SEPTIN7: variants seen among roughly 807,000 people sequenced by gnomAD.
The protein encoded by SEPTIN7 is septin-7.
A neutral mutation model predicts 63.3 loss-of-function variants in SEPTIN7; 10 were observed. The ratio of observed to expected loss-of-function variants is 0.16; its 90% confidence interval spans 0.10 to 0.27. SEPTIN7 has a LOEUF of 0.27. SEPTIN7 is among the 10% of genes least tolerant of loss of function. The pLI, the probability that SEPTIN7 is intolerant of heterozygous loss-of-function variation, is 1.00. For synonymous variants in SEPTIN7, 131 were observed against 165.3 expected, an observed-to-expected ratio of 0.79 and a Z score of 1.59; for missense variants, 310 against 521.0, an observed-to-expected ratio of 0.59 and a Z score of 3.94.
At chr7:35,831,518 T>C (rs1412270997) in intron 2 of SEPTIN7, 22 bp downstream of exon 2, 2 of 445,592 alleles carry the variant, frequency 4.5e-6, no homozygotes, top group South Asian at 3.3e-5. Flanking sequence ...ACATAATTTA[T>C]AGAGTTTTTT....
intron 1 of SEPTIN7, among the ~76,000 whole-genome samples, chr7:35,824,159 T>C (rs1245250635): frequency 6.6e-6 from 1 of 152,152 alleles, no homozygotes; most frequent in African/African-American, 2.4e-5. Flanking sequence ...CCAGTCTGCC[T>C]TCTTCCCCTA....
intron 1 of SEPTIN7, among the ~76,000 whole-genome samples, chr7:35,821,750 C>G (rs770960296): frequency 5.3e-5 from 8 of 152,064 alleles, no homozygotes; most frequent in Non-Finnish European, 1.0e-4. Context: ...ACATCATCAC[C>G]CAGTACTGGG....
chr7:35,901,343 C>A (rs568995442), intron 12 of SEPTIN7: 115 of 152,224 alleles, frequency 7.6e-4, no homozygotes, highest in African/African-American at 2.7e-3. Flanking sequence ...ATGGAAAAAA[C>A]TCTGAAAACT....
In SEPTIN7 at chr7:35,903,224, T is replaced by C. The variant is rs1468889131; in HGVS notation, c.1274+9T>C. 27 of 1,541,986 alleles carry C rather than the reference T, an allele frequency of 1.8e-5. No homozygotes were observed. The highest frequency in any genetic ancestry group is 2.8e-5 in the African/African-American group (2 of 71,890). ...CAACAGAACTCTTCAAGGTAACTAA[T>C]AGCAGATTACTAAGAAATGTGTGTA... On this transcript the variant is annotated intron_variant, in intron 13 of 13. Coordinates refer to ENST00000350320, the MANE Select transcript of SEPTIN7 (RefSeq NM_001788.6).
intron 1 of SEPTIN7, among the ~76,000 whole-genome samples, chr7:35,806,902 T>C (rs776386809): frequency 1.3e-5 from 2 of 152,236 alleles, no homozygotes; most frequent in African/African-American, 2.4e-5. Flanking sequence ...TTTCACACTT[T>C]GATAAATGAT....
chr7:35,801,360 C>A, intron 1 of SEPTIN7, 90 bp downstream of exon 1: 3 of 1,433,606 alleles, frequency 2.1e-6, no homozygotes, highest in Non-Finnish European at 2.8e-6. Context: ...TAGGGAACGC[C>A]CTGAGGCGAG....
intron 3 of SEPTIN7, among the ~76,000 whole-genome samples, chr7:35,843,393 C>T (rs1183166438): frequency 6.6e-6 from 1 of 152,176 alleles, no homozygotes; most frequent in Non-Finnish European, 1.5e-5. Flanking sequence ...CCCTAATACC[C>T]TGTTCTGGGC....
the SEPTIN7 span, among the ~76,000 whole-genome samples, chr7:35,915,260 T>C: frequency 4.1e-5 from 6 of 147,260 alleles, no homozygotes; most frequent in African/African-American, 1.1e-4. Context: ...CTCATACACA[T>C]ATATATATAT....
intron 4 of SEPTIN7, among the ~76,000 whole-genome samples, chr7:35,870,911 C>T (rs1786106083): frequency 6.6e-6 from 1 of 151,570 alleles, no homozygotes; most frequent in South Asian, 2.1e-4. Flanking sequence ...GTTATTTTGC[C>T]TCTCTCATGT....
chr7:35,801,344 C>T (rs1198187493), intron 1 of SEPTIN7, 74 bp downstream of exon 1: 6 of 1,502,762 alleles, frequency 4.0e-6, no homozygotes, highest in Non-Finnish European at 5.3e-6. Context: ...GGCCGCTGGA[C>T]CGAGCTAGGG....
At chr7:35,833,692 T>G (rs1029878327) in intron 3 of SEPTIN7, among the ~76,000 whole-genome samples, 3 of 152,018 alleles carry the variant, frequency 2.0e-5, no homozygotes, top group African/African-American at 7.2e-5. Flanking sequence ...GAAGGTGAAT[T>G]GCAGGGTAGT....
At chr7:35,833,012 T>C in intron 3 of SEPTIN7, 112 bp downstream of exon 3, 1 of 660,554 alleles carries the variant, frequency 1.5e-6, no homozygotes. Flanking sequence ...GATCATATCT[T>C]TGTTGTATTT....
intron 3 of SEPTIN7, among the ~76,000 whole-genome samples, chr7:35,858,237 G>C (rs542440947): frequency 2.6e-5 from 4 of 151,748 alleles, no homozygotes; most frequent in Non-Finnish European, 5.9e-5. Context: ...TAGCCACCAC[G>C]CCCAACCCCC....
chr7:35,860,529 G>T (rs1785449015), intron 3 of SEPTIN7, among the ~76,000 whole-genome samples: 1 of 152,070 alleles, frequency 6.6e-6, no homozygotes, highest in African/African-American at 2.4e-5. Context: ...TGTAGTACAT[G>T]TGTAGTGATA....
intron 3 of SEPTIN7, among the ~76,000 whole-genome samples, chr7:35,834,231 A>G (rs77938469): frequency 0.015 from 2,247 of 152,086 alleles, 50 homozygotes; most frequent in African/African-American, 0.05. Context: ...CTTACGGGAA[A>G]ACCTCCTAGG....
intron 1 of SEPTIN7, among the ~76,000 whole-genome samples, chr7:35,826,631 T>G (rs573662008): frequency 1.4e-4 from 21 of 152,144 alleles, no homozygotes; most frequent in South Asian, 4.1e-4. Context: ...ATTGGGAAGT[T>G]GAAGGTTTGT....
At chr7:35,890,951 A>T (rs2116333523) in intron 11 of SEPTIN7, among the ~76,000 whole-genome samples, 158 bp downstream of exon 11, 1 of 152,342 alleles carries the variant, frequency 6.6e-6, no homozygotes, top group South Asian at 2.1e-4. Context: ...CTTTGTTAAT[A>T]GTAGAAGCTT....
At position 35,904,342 on chromosome 7, in the gene SEPTIN7, T is replaced by A. The variant is rs542660756; in HGVS notation, c.*49T>A. 29 of 1,454,730 alleles carry A rather than the reference T, an allele frequency of 2.0e-5. No individual in the cohort carries two copies. The African/African-American group carries it at 3.4e-4, about 17-fold the overall frequency. The allele number at this position is 1,454,730 out of a possible 1,614,324, so 90.1% of individuals were successfully genotyped here. A position where few individuals can be genotyped will look rare whatever the true frequency, so the allele number is the denominator to read the frequency against. On this transcript the variant is annotated 3_prime_UTR_variant, in exon 14 of 14. Transcript: ENST00000350320. ...CGTATTAGTTGCCAATATGCCAGCT[T>A]GGACATCAGTGTTTGTTGGATCCGT...
intron 4 of SEPTIN7, among the ~76,000 whole-genome samples, chr7:35,867,702 G>C (rs906389371): frequency 1.3e-5 from 2 of 152,148 alleles, no homozygotes; most frequent in Non-Finnish European, 1.5e-5. Flanking sequence ...GGTATCATCT[G>C]TCTTTTCTTG....
Sources: gnomAD v4.1 joint callset for allele counts (sites outside exome capture counted in the v4.1 genomes callset) on GRCh38, gnomAD v4.1.1 for gene constraint, MANE v1.5 for transcripts, NCBI Gene and HGNC (gene_info 2026-07-23, HGNC 2026-07-21) for gene names.